CSMD1: variants seen among roughly 807,000 people sequenced by gnomAD.
CSMD1 encodes CUB and Sushi multiple domains 1, also known as CUB and sushi domain-containing protein 1.
Under a neutral mutation model 417.5 loss-of-function variants are expected in CSMD1, and 213 were observed. That is an observed-to-expected ratio of 0.51 (90% CI 0.46 to 0.57). The LOEUF is 0.57. Among genes scored for constraint, CSMD1 ranks in the 20% least tolerant of loss-of-function variants. The probability of loss-of-function intolerance (pLI) is 0.00; values close to 1 mark genes in which losing one functional copy is unlikely to be tolerated. For missense variants in CSMD1, 6,923 were observed against 4,529.7 expected (o/e 1.53, Z -15.17); for synonymous variants, 2,862 against 1,736.8 (o/e 1.65, Z -16.11).
At position 3,749,151 on chromosome 8, in the gene CSMD1, T is replaced by C. The variant is rs193200719; in HGVS notation, c.931+4779A>G. ...GTAGACACTGAAAACGTCTAGATGA[T>C]GGATTGTGCTTACAAGGCACTTATT... On this transcript the variant is annotated intron_variant, in intron 6 of 69. Coordinates refer to ENST00000635120, the MANE Select transcript of CSMD1 (RefSeq NM_033225.6). 1.6e-3 allele frequency among the ~76,000 whole-genome samples: 240 copies of C among 152,300 alleles called. 1 individual carries two copies. The highest frequency in any genetic ancestry group is 5.6e-3 in the African/African-American group (232 of 41,572).
chr8:4,078,435 C>G (rs925425390), intron 3 of CSMD1, among the ~76,000 whole-genome samples: 1 of 151,212 alleles, frequency 6.6e-6, no homozygotes, highest in Non-Finnish European at 1.5e-5. Flanking sequence ...CTGCCTCAGC[C>G]TCTTGAATAG....
At chr8:3,735,547 G>C (rs151095823) in intron 6 of CSMD1, among the ~76,000 whole-genome samples, 1 of 152,196 alleles carries the variant, frequency 6.6e-6, no homozygotes, top group East Asian at 1.9e-4. Flanking sequence ...AGCAAATTCT[G>C]CCTTTAGAAA....
At chr8:4,814,131 G>C (rs901526217) in intron 1 of CSMD1, among the ~76,000 whole-genome samples, 4 of 152,066 alleles carry the variant, frequency 2.6e-5, no homozygotes, top group African/African-American at 7.2e-5. Context: ...CCTATTTCTT[G>C]GAATATATAA....
At chr8:3,199,850 A>G in intron 32 of CSMD1, 41 bp from the exon 33 acceptor site, 1 of 1,215,042 alleles carries the variant, frequency 8.2e-7, no homozygotes, top group Non-Finnish European at 1.2e-6. Flanking sequence ...AACACACAGC[A>G]CCGTGGGGGA....
At chr8:2,984,637 G>A (rs74370015) in intron 54 of CSMD1, among the ~76,000 whole-genome samples, 5 of 152,178 alleles carry the variant, frequency 3.3e-5, no homozygotes, top group East Asian at 3.9e-4. Flanking sequence ...ATGAGCCACC[G>A]CGCCTCGCCT....
chr8:4,243,413 C>G (rs1403117326), intron 3 of CSMD1, among the ~76,000 whole-genome samples: 3 of 152,142 alleles, frequency 2.0e-5, no homozygotes, highest in South Asian at 2.1e-4. Flanking sequence ...CCTCTACTGA[C>G]CACTTTGCTC....
intron 1 of CSMD1, among the ~76,000 whole-genome samples, chr8:4,669,842 C>T (rs982930565): frequency 6.6e-6 from 1 of 152,140 alleles, no homozygotes; most frequent in African/African-American, 2.4e-5. Flanking sequence ...AGAATGGTTT[C>T]TTAGCCAAAT....
At chr8:4,923,934 T>C (rs1286900694) in intron 1 of CSMD1, among the ~76,000 whole-genome samples, 2 of 152,216 alleles carry the variant, frequency 1.3e-5, no homozygotes, top group Non-Finnish European at 2.9e-5. Flanking sequence ...GGAAAGAAAG[T>C]AGCTTAGCAA....
At chr8:3,708,287 T>G (rs750872734) in intron 7 of CSMD1, 127 bp downstream of exon 7, 1 of 715,160 alleles carries the variant, frequency 1.4e-6, no homozygotes, top group Non-Finnish European at 2.4e-6. Context: ...AAAATACTTT[T>G]GGATATAGAA....
chr8:3,398,316 C>G (rs1811824274), intron 16 of CSMD1, among the ~76,000 whole-genome samples: 2 of 152,122 alleles, frequency 1.3e-5, no homozygotes, highest in Admixed American at 6.5e-5. Flanking sequence ...TGATTATACA[C>G]AGTAATTCAC....
intron 2 of CSMD1, among the ~76,000 whole-genome samples, chr8:4,601,297 G>C (rs188581242): frequency 1.3e-5 from 2 of 152,300 alleles, no homozygotes; most frequent in South Asian, 4.1e-4. Context: ...AGGGAGTAGA[G>C]TGACAGCGAA....
intron 6 of CSMD1, among the ~76,000 whole-genome samples, chr8:3,716,763 C>G (rs1016887479): frequency 2.6e-5 from 4 of 152,198 alleles, no homozygotes; most frequent in African/African-American, 9.6e-5. Flanking sequence ...TCAAACGCCT[C>G]TTGACAATAT....
At chr8:3,368,142 G>T (rs75991519) in intron 19 of CSMD1, among the ~76,000 whole-genome samples, 7,134 of 152,114 alleles carry the variant, frequency 0.047, 195 homozygotes, top group Middle Eastern at 0.092. Flanking sequence ...ATAAAACTTT[G>T]ATCACTCATA....
chr8:4,553,427 A>T (rs1056795439), intron 2 of CSMD1, among the ~76,000 whole-genome samples: 1 of 151,118 alleles, frequency 6.6e-6, no homozygotes, highest in African/African-American at 2.4e-5. Context: ...GGCATTTATA[A>T]ACTGAAAAAG....
At chr8:4,103,667 T>C (rs1033859645) in intron 3 of CSMD1, among the ~76,000 whole-genome samples, 16 of 152,162 alleles carry the variant, frequency 1.1e-4, no homozygotes, top group African/African-American at 2.2e-4. Context: ...ATATGCCACA[T>C]TTTTACATGA....
chr8:3,496,339 G>C lies in CSMD1; in HGVS notation c.1345-2613C>G, dbSNP rs528282287. 3.9e-5 allele frequency among the ~76,000 whole-genome samples: 6 copies of C among 152,272 alleles called. No homozygotes were observed. The East Asian group carries it at 7.7e-4, about 20-fold the overall frequency. ...GGTTTGCTGTTCTGCCTGCCCTGCA[G>C]AGCTCCCTGTAAGGATTGAGGGCAG... On this transcript the variant is annotated intron_variant, in intron 10 of 69. Coordinates refer to ENST00000635120, the MANE Select transcript of CSMD1 (RefSeq NM_033225.6).
At chr8:4,228,995 G>A (rs537076508) in intron 3 of CSMD1, among the ~76,000 whole-genome samples, 2 of 152,198 alleles carry the variant, frequency 1.3e-5, no homozygotes, top group Admixed American at 6.6e-5. Flanking sequence ...GCGCGAACCT[G>A]GACTTTTCCA....
chr8:3,667,859 G>A (rs1208361360), intron 7 of CSMD1, among the ~76,000 whole-genome samples: 1 of 152,176 alleles, frequency 6.6e-6, no homozygotes, highest in African/African-American at 2.4e-5. Flanking sequence ...GTTTAATCGT[G>A]AAATAGCAGT....
Position 3,484,076 on chromosome 8 carries a change from G to A in CSMD1, c.1448+9547C>T, listed in dbSNP as rs10112950. Among the ~76,000 whole-genome samples, 1,277 of 152,224 alleles carry A rather than the reference G, an allele frequency of 8.4e-3. 18 individuals are homozygous for A. Among genetic ancestry groups the A allele is most frequent in the African/African-American group, 0.029 (1,210 of 41,524 alleles). Reference sequence around the variant, plus strand: ...TTGCTGGGAGTATACATGCATATATGTTTATGGTACTCTCAAACTTATATA... The same window carrying A: ...TTGCTGGGAGTATACATGCATATATATTTATGGTACTCTCAAACTTATATA... On this transcript the variant is annotated intron_variant, in intron 11 of 69. Transcript: ENST00000635120.
Sources: gnomAD v4.1 joint callset for allele counts (sites outside exome capture counted in the v4.1 genomes callset) on GRCh38, gnomAD v4.1.1 for gene constraint, MANE v1.5 for transcripts, NCBI Gene and HGNC (gene_info 2026-07-23, HGNC 2026-07-21) for gene names.